The following MYBPC1 variants were observed in gnomAD, a reference collection of about 807,000 sequenced individuals.
MYBPC1 encodes the protein myosin binding protein C1, also known as myosin-binding protein C, slow-type.
Under a neutral mutation model 147.1 loss-of-function variants are expected in MYBPC1, and 52 were observed. That is an observed-to-expected ratio of 0.35 (90% CI 0.28 to 0.45). The LOEUF is 0.45. MYBPC1 is among the 20% of genes least tolerant of loss of function. The probability of loss-of-function intolerance (pLI) is 1.00; values close to 1 mark genes in which losing one functional copy is unlikely to be tolerated. For synonymous variants in MYBPC1, 477 were observed against 475.9 expected (o/e 1.00, Z -0.03); for missense variants, 1,228 against 1,440.3 (o/e 0.85, Z 2.39).
chr12:101,668,188 T>C (rs1370205252), intron 23 of MYBPC1, among the ~76,000 whole-genome samples: 3 of 152,092 alleles, frequency 2.0e-5, no homozygotes, highest in Admixed American at 6.5e-5. Flanking sequence ...AGAGAGAGTA[T>C]GTTCATACAA....
At chr12:101,639,532 G>A (rs1172483788) in intron 10 of MYBPC1, among the ~76,000 whole-genome samples, 1 of 152,192 alleles carries the variant, frequency 6.6e-6, no homozygotes, top group Non-Finnish European at 1.5e-5. Flanking sequence ...GAAGGAATAG[G>A]CAAGAGGTCA....
At chr12:101,615,978 G>A (rs549008595) in intron 2 of MYBPC1, among the ~76,000 whole-genome samples, 2 of 151,724 alleles carry the variant, frequency 1.3e-5, no homozygotes, top group East Asian at 3.9e-4. Flanking sequence ...ACAGCTCACC[G>A]CAGCCTCAAA....
chr12:101,598,101 C>G (rs1352467770), intron 1 of MYBPC1, among the ~76,000 whole-genome samples: 1 of 151,122 alleles, frequency 6.6e-6, no homozygotes, highest in African/African-American at 2.4e-5. Context: ...CTCACTGCAG[C>G]CTTTGCCTCC....
intron 24 of MYBPC1, among the ~76,000 whole-genome samples, chr12:101,671,784 A>G (rs1898797459): frequency 6.6e-6 from 1 of 152,182 alleles, no homozygotes; most frequent in Non-Finnish European, 1.5e-5. Flanking sequence ...GAGAGAAAAA[A>G]TCATGAGAAC....
At chr12:101,692,233 G>T in the MYBPC1 span, among the ~76,000 whole-genome samples, 3 of 152,076 alleles carry the variant, frequency 2.0e-5, no homozygotes, top group Non-Finnish European at 2.9e-5. Flanking sequence ...CTTTATCAAA[G>T]GCTTCTGAAC....
At chr12:101,691,488 T>C in the MYBPC1 span, among the ~76,000 whole-genome samples, 1 of 152,212 alleles carries the variant, frequency 6.6e-6, no homozygotes, top group East Asian at 1.9e-4. Flanking sequence ...TATGACATGA[T>C]TTAATATTTT....
intron 2 of MYBPC1, among the ~76,000 whole-genome samples, chr12:101,616,745 A>G (rs916819561): frequency 2.6e-5 from 4 of 152,200 alleles, no homozygotes; most frequent in African/African-American, 7.2e-5. Flanking sequence ...AGCAACATAC[A>G]CTGCACACAA....
the MYBPC1 span, among the ~76,000 whole-genome samples, chr12:101,693,898 C>T: frequency 6.6e-6 from 1 of 152,166 alleles, no homozygotes; most frequent in African/African-American, 2.4e-5. Flanking sequence ...TGTGTGCAAC[C>T]TTTGATCATG....
At chr12:101,642,762 G>A (rs1207180028) in intron 11 of MYBPC1, among the ~76,000 whole-genome samples, 177 bp downstream of exon 11, 1 of 152,160 alleles carries the variant, frequency 6.6e-6, no homozygotes, top group Admixed American at 6.5e-5. Flanking sequence ...CAAGGTAACA[G>A]GAGATTCATG....
At chr12:101,687,941 G>C (rs1229678568), downstream of MYBPC1, among the ~76,000 whole-genome samples, 1 of 151,830 alleles carries the variant, frequency 6.6e-6, no homozygotes, top group African/African-American at 2.4e-5. Flanking sequence ...TTATATTAAG[G>C]GTACACATAC....
intron 1 of MYBPC1, among the ~76,000 whole-genome samples, chr12:101,604,870 A>G (rs1881528299): frequency 6.6e-6 from 1 of 152,186 alleles, no homozygotes; most frequent in South Asian, 2.1e-4. Context: ...CCAGGTAATT[A>G]ATCTGGCTGA....
At chr12:101,641,115 GAA>G (rs34380289) in intron 10 of MYBPC1, among the ~76,000 whole-genome samples, 8 of 105,958 alleles carry the variant, frequency 7.6e-5, no homozygotes, top group Admixed American at 1.1e-4. Context: ...CTGTCTCAAA[GAA>G]AAAAAAAAAA....
intron 15 of MYBPC1, 110 bp from the exon 16 acceptor site, chr12:101,651,121 C>T: frequency 1.7e-6 from 2 of 1,196,768 alleles, no homozygotes; most frequent in South Asian, 2.4e-5. Flanking sequence ...CAGCTTCTCA[C>T]TTTCAAAACA....
intron 3 of MYBPC1, among the ~76,000 whole-genome samples, chr12:101,622,168 T>A (rs192257359): frequency 1.3e-5 from 2 of 152,330 alleles, no homozygotes; most frequent in Non-Finnish European, 2.9e-5. Context: ...CTTACATATA[T>A]TTTTTGTTTT....
chr12:101,678,285 T>G (rs1900458503), intron 28 of MYBPC1, 47 bp downstream of exon 28: 2 of 1,605,990 alleles, frequency 1.2e-6, no homozygotes, highest in South Asian at 1.1e-5. Flanking sequence ...GTCTTGTATT[T>G]GTTGTGTTAT....
In MYBPC1 at chr12:101,610,365, G is replaced by T. The variant is rs185089780; in HGVS notation, c.26-4131G>T. Among the ~76,000 whole-genome samples, 610 of 152,244 alleles carry T rather than the reference G, an allele frequency of 4.0e-3. 3 individuals carry two copies. The highest frequency in any genetic ancestry group is 0.014 in the African/African-American group (577 of 41,520). ...CTACTATTCCCACTTTACAGTAGGG[G>T]TATGAGGGACTCACCTCTTCTGTCC... is the stretch of plus-strand genomic sequence containing the variant. On this transcript the variant is annotated intron_variant, in intron 1 of 31. Coordinates refer to ENST00000361466, the MANE Select transcript of MYBPC1 (RefSeq NM_002465.4).
chr12:101,637,516 C>T (rs1891239913), intron 10 of MYBPC1, among the ~76,000 whole-genome samples: 1 of 151,866 alleles, frequency 6.6e-6, no homozygotes, highest in African/African-American at 2.4e-5. Context: ...AGTGCAGAAG[C>T]AACAAAAAGA....
chr12:101,680,594 A>C, intron 29 of MYBPC1, 65 bp downstream of exon 29: 1 of 1,585,830 alleles, frequency 6.3e-7, no homozygotes, highest in South Asian at 1.1e-5. Context: ...ATTGTTCTTA[A>C]TGCTTATTGT....
intron 21 of MYBPC1, among the ~76,000 whole-genome samples, chr12:101,663,076 A>G (rs1896848326): frequency 6.6e-6 from 1 of 152,046 alleles, no homozygotes; most frequent in African/African-American, 2.4e-5. Flanking sequence ...ATTTTTTTCA[A>G]TGGAAAAAAA....
Sources: allele counts gnomAD v4.1 joint callset (sites outside exome capture counted in the v4.1 genomes callset), GRCh38; gene constraint gnomAD v4.1.1; transcripts MANE v1.5; gene names NCBI Gene and HGNC (gene_info 2026-07-23, HGNC 2026-07-21).